DLG2: variants seen among roughly 807,000 people sequenced by gnomAD.
DLG2 encodes the protein disks large homolog 2.
DLG2 carries 45 observed loss-of-function variants against 132.5 expected under a neutral mutation model. The observed-to-expected ratio is 0.34, with a 90% CI of 0.27 to 0.44. The LOEUF (loss-of-function observed/expected upper bound fraction) is 0.44. DLG2 is among the 20% of genes least tolerant of loss of function. DLG2 has a pLI of 1.00. For synonymous variants in DLG2, 424 were observed against 419.6 expected, an observed-to-expected ratio of 1.01 and a Z score of -0.13; for missense variants, 1,045 against 1,196.9, an observed-to-expected ratio of 0.87 and a Z score of 1.87.
intron 6 of DLG2, among the ~76,000 whole-genome samples, chr11:85,017,173 C>T (rs923406020): frequency 6.6e-6 from 1 of 152,122 alleles, no homozygotes; most frequent in African/African-American, 2.4e-5. Context: ...ACATCTTCCT[C>T]TTTCCTAAAT....
At chr11:85,623,572 G>T (rs1001328799) in intron 2 of DLG2, among the ~76,000 whole-genome samples, 14 of 152,184 alleles carry the variant, frequency 9.2e-5, no homozygotes, top group East Asian at 1.9e-4. Context: ...CAAAGTGCTG[G>T]GATTACAGGC....
chr11:84,348,960 T>C (rs2098550656), intron 7 of DLG2, among the ~76,000 whole-genome samples: 1 of 152,196 alleles, frequency 6.6e-6, no homozygotes, highest in South Asian at 2.1e-4. Context: ...CCCACCTTAA[T>C]GTTGAACTTC....
chr11:83,579,529 T>C (rs1000670028), intron 19 of DLG2, among the ~76,000 whole-genome samples: 3 of 152,192 alleles, frequency 2.0e-5, no homozygotes, highest in Non-Finnish European at 4.4e-5. Context: ...TAGACGTTTA[T>C]TTTACTTGTG....
chr11:83,777,573 TA>T (rs1243612076), intron 18 of DLG2, among the ~76,000 whole-genome samples: 10 of 152,246 alleles, frequency 6.6e-5, no homozygotes, highest in African/African-American at 2.4e-4. Flanking sequence ...TGATAAGATT[TA>T]GGCCACAATG....
chr11:84,820,088 A>T (rs2077507484), intron 6 of DLG2, among the ~76,000 whole-genome samples: 1 of 151,076 alleles, frequency 6.6e-6, no homozygotes, highest in Non-Finnish European at 1.5e-5. Flanking sequence ...AGAGATCCAC[A>T]AGACAATGTA....
intron 3 of DLG2, among the ~76,000 whole-genome samples, chr11:85,467,919 A>C (rs528533928): frequency 6.6e-6 from 1 of 152,320 alleles, no homozygotes; most frequent in South Asian, 2.1e-4. Context: ...GGTAGAATCC[A>C]GCTGTGAATC....
At chr11:83,790,961 A>C (rs902955583) in intron 17 of DLG2, 4 of 929,570 alleles carry the variant, frequency 4.3e-6, no homozygotes, top group Non-Finnish European at 6.7e-6. Context: ...GCACATGTTC[A>C]TCCAGGCGAA....
chr11:85,232,283 C>T (rs76959284), intron 4 of DLG2, among the ~76,000 whole-genome samples: 3,423 of 151,872 alleles, frequency 0.023, 66 homozygotes, highest in Admixed American at 0.038. Context: ...ATACATTATT[C>T]CATCACATTT....
At chr11:85,301,590 T>C (rs535473799) in intron 3 of DLG2, among the ~76,000 whole-genome samples, 13 of 152,240 alleles carry the variant, frequency 8.5e-5, no homozygotes, top group Non-Finnish European at 8.8e-5. Flanking sequence ...TCAATCTGCT[T>C]ACTGTAGAAA....
chr11:83,779,992 A>T (rs2094745197), intron 18 of DLG2, among the ~76,000 whole-genome samples: 1 of 152,114 alleles, frequency 6.6e-6, no homozygotes, highest in Non-Finnish European at 1.5e-5. Flanking sequence ...AAGCTTACTT[A>T]AATGTTCTCT....
intron 21 of DLG2, among the ~76,000 whole-genome samples, chr11:83,499,870 TA>T (rs2094366247): frequency 1.6e-5 from 1 of 64,388 alleles, no homozygotes; most frequent in Non-Finnish European, 3.0e-5. Context: ...TATATATATA[TA>T]TATATATATA....
intron 6 of DLG2, among the ~76,000 whole-genome samples, chr11:84,761,429 G>C (rs1324511866): frequency 6.6e-6 from 1 of 152,152 alleles, no homozygotes; most frequent in Non-Finnish European, 1.5e-5. Flanking sequence ...TCCTGGGTGT[G>C]TCTGTGAGGG....
At chr11:85,189,230 C>A (rs1176888453) in intron 4 of DLG2, among the ~76,000 whole-genome samples, 1 of 152,028 alleles carries the variant, frequency 6.6e-6, no homozygotes, top group Non-Finnish European at 1.5e-5. Flanking sequence ...AACCTGTCAA[C>A]CAAAACCTCC....
At chr11:84,928,978 GTGTGTA>G (rs1489032508) in intron 6 of DLG2, among the ~76,000 whole-genome samples, 6 of 29,852 alleles carry the variant, frequency 2.0e-4, no homozygotes, top group Admixed American at 9.4e-4. Context: ...GTGTGTGTGT[GTGTGTA>G]TATATATATA....
chr11:84,213,473 C>T (rs1375263269), intron 8 of DLG2, among the ~76,000 whole-genome samples: 2 of 152,030 alleles, frequency 1.3e-5, no homozygotes, highest in Non-Finnish European at 2.9e-5. Context: ...TGGCATTACC[C>T]AAGAGTTTAT....
chr11:85,576,093 A>C (rs1039528669), intron 3 of DLG2, among the ~76,000 whole-genome samples: 1 of 152,218 alleles, frequency 6.6e-6, no homozygotes, highest in Admixed American at 6.5e-5. Context: ...TGTAAGAAAA[A>C]ATGTATCTCA....
chr11:83,991,137 C>T lies in DLG2; in HGVS notation c.920-10495G>A, dbSNP rs140342097. ...TTGAGAGAGTAGTTAATCACACTGG[C>T]GACTGCCAATATGGTTAATTAAAAG... On this transcript the variant is annotated intron_variant, in intron 11 of 27. Coordinates refer to ENST00000376104, the MANE Select transcript of DLG2 (RefSeq NM_001142699.3). Among the ~76,000 whole-genome samples the T allele has an allele frequency of 5.1e-3, 778 of 152,258 alleles. 4 individuals are homozygous for T. The highest frequency in any genetic ancestry group is 0.018 in the African/African-American group (746 of 41,556).
At chr11:83,615,181 A>C (rs2060622175) in intron 19 of DLG2, among the ~76,000 whole-genome samples, 2 of 152,340 alleles carry the variant, frequency 1.3e-5, no homozygotes, top group South Asian at 2.1e-4. Context: ...CTTATTCTGC[A>C]TCGAAGTCCT....
intron 6 of DLG2, among the ~76,000 whole-genome samples, chr11:84,934,880 C>T (rs2048558190): frequency 6.6e-6 from 1 of 151,972 alleles, no homozygotes; most frequent in African/African-American, 2.4e-5. Flanking sequence ...GTGATGATAA[C>T]TTCCAAGTCT....
Sources: gnomAD v4.1 joint callset for allele counts (sites outside exome capture counted in the v4.1 genomes callset) on GRCh38, gnomAD v4.1.1 for gene constraint, MANE v1.5 for transcripts, NCBI Gene and HGNC (gene_info 2026-07-23, HGNC 2026-07-21) for gene names.